Variants in UMOD observed in about 807,000 individuals in gnomAD.
UMOD encodes uromodulin.
In UMOD, 64 loss-of-function variants were observed where a neutral mutation model predicts 66.0. That is an observed-to-expected ratio of 0.97 (90% CI 0.79 to 1.19). The LOEUF (loss-of-function observed/expected upper bound fraction) is 1.19, where lower values mean the gene tolerates loss of function less well. Among genes scored for constraint, UMOD ranks in the 50% most tolerant of loss-of-function variants. The pLI is 0.00. For synonymous variants in UMOD, 398 were observed against 352.7 expected, an observed-to-expected ratio of 1.13 and a Z score of -1.44; for missense variants, 764 against 850.9, an observed-to-expected ratio of 0.90 and a Z score of 1.27.
intron 5 of UMOD, among the ~76,000 whole-genome samples, chr16:20,345,442 C>CTTTCTTTCTCTTTCT (rs773200268): frequency 4.8e-5 from 2 of 41,558 alleles, no homozygotes; most frequent in African/African-American, 1.4e-4. Flanking sequence ...TTCTTTCTTT[C>CTTTCTTTCTCTTTCT]TTCCTTTCTT....
chr16:20,335,713 C>G (rs1270558911), intron 9 of UMOD, among the ~76,000 whole-genome samples, 193 bp from the exon 10 acceptor site: 2 of 152,196 alleles, frequency 1.3e-5, no homozygotes. Context: ...AGGTCCCAAC[C>G]CTTAGCAAGA....
chr16:20,342,004 T>A (rs1274096340), intron 6 of UMOD, among the ~76,000 whole-genome samples: 3 of 152,222 alleles, frequency 2.0e-5, no homozygotes, highest in Admixed American at 2.0e-4. Context: ...ATTTTACAGA[T>A]GAGAACTGAG....
intron 1 of UMOD, chr16:20,351,417 G>C (rs1467505267): frequency 6.2e-6 from 1 of 161,996 alleles, no homozygotes; most frequent in Non-Finnish European, 1.4e-5. Flanking sequence ...TGGAAAAATA[G>C]TCCAGGGTGG....
At chr16:20,352,632 C>T in intron 1 of UMOD, 57 bp downstream of exon 1, 1 of 1,215,312 alleles carries the variant, frequency 8.2e-7, no homozygotes, top group Non-Finnish European at 1.0e-6. Context: ...CTCCTACCTC[C>T]CTCAAATAGG....
chr16:20,348,345 G>A lies in UMOD; in HGVS notation c.866-15C>T. ...GGAGCTGGGGTCTGCAGGGTCACAGGGACAGACAGACAATCAATAAGGACG... is the reference window on the plus strand; with the variant it reads ...GGAGCTGGGGTCTGCAGGGTCACAGAGACAGACAGACAATCAATAAGGACG... On this transcript the variant is annotated splice_polypyrimidine_tract_variant and intron_variant, in intron 3 of 10. Transcript: ENST00000396138. The A allele has an allele frequency of 6.2e-7, 1 of 1,614,194 alleles. No individual in the cohort carries two copies. Among genetic ancestry groups the A allele is most frequent in the Non-Finnish European group, 8.5e-7 (1 of 1,180,030 alleles).
At chr16:20,347,889 T>C (rs1407586510) in intron 4 of UMOD, among the ~76,000 whole-genome samples, 1 of 152,196 alleles carries the variant, frequency 6.6e-6, no homozygotes, top group Admixed American at 6.5e-5. Flanking sequence ...GCTTGTGTTC[T>C]GGTGCTGCAG....
chr16:20,333,914 G>A (rs1045858938), intron 10 of UMOD, among the ~76,000 whole-genome samples: 1 of 151,008 alleles, frequency 6.6e-6, no homozygotes, highest in Non-Finnish European at 1.5e-5. Flanking sequence ...CACGCCTGTA[G>A]TTCCAGCTAC....
chr16:20,350,874 C>T, intron 1 of UMOD, 35 bp from the exon 2 acceptor site: 1 of 1,528,722 alleles, frequency 6.5e-7, no homozygotes, highest in Non-Finnish European at 8.8e-7. Flanking sequence ...AATGCATGAT[C>T]TAACTCTCCT....
rs539108345 is a variant in UMOD at position 20,348,773 on chromosome 16, C to T, written c.528G>A (p.Ala176=). The T allele has an allele frequency of 6.5e-7, 1 of 1,543,510 alleles. No individual in the cohort carries two copies. The highest frequency in any genetic ancestry group is 1.2e-5 in the South Asian group (1 of 83,950). Residue 176 remains alanine, a synonymous_variant, in exon 3 of 11, where the codon GCG becomes GCA. Transcript: ENST00000396138. ...DALVCADPCQ[A]HRTLDEYWRS... is the part of the protein sequence containing the mutation. ...GCCAGTACTCGTCCAGGGTGCGGTG[C>T]GCCTGGCACGGATCCGCGCACACGA...
chr16:20,345,238 T>G (rs994717906), intron 5 of UMOD, among the ~76,000 whole-genome samples: 1 of 152,242 alleles, frequency 6.6e-6, no homozygotes, highest in Non-Finnish European at 1.5e-5. Context: ...GGTCTCAAAC[T>G]CCTGACCTCA....
chr16:20,334,503 C>T (rs750877163), intron 10 of UMOD, among the ~76,000 whole-genome samples: 16 of 152,136 alleles, frequency 1.1e-4, no homozygotes, highest in East Asian at 1.9e-4. Flanking sequence ...AATGCATGTA[C>T]GTGACCTTGT....
chr16:20,334,633 C>T (rs889681751), intron 10 of UMOD, among the ~76,000 whole-genome samples: 1 of 152,028 alleles, frequency 6.6e-6, no homozygotes, highest in African/African-American at 2.4e-5. Flanking sequence ...ATGTGTACAG[C>T]CCTAAGTCCA....
In UMOD at chr16:20,333,389, A is replaced by G. The variant is rs1309259452; in HGVS notation, c.1862-14T>C. On this transcript the variant is annotated splice_polypyrimidine_tract_variant and intron_variant, in intron 10 of 10. Coordinates refer to ENST00000396138, the MANE Select transcript of UMOD (RefSeq NM_003361.4). ...CTTTCAGGAGCCCTGAAAAGAAAAC[A>G]GTGACAGGGCAACTGCTAGTACTGC... 2 of 1,609,468 alleles carry G rather than the reference A, an allele frequency of 1.2e-6. No individual in the cohort carries two copies. The highest frequency in any genetic ancestry group is 1.7e-5 in the Admixed American group (1 of 59,570).
At chr16:20,341,554 T>C (rs1281015002) in intron 6 of UMOD, among the ~76,000 whole-genome samples, 1 of 152,166 alleles carries the variant, frequency 6.6e-6, no homozygotes, top group Non-Finnish European at 1.5e-5. Context: ...TTGGTGAGTA[T>C]TGGGGTGGGG....
Position 20,340,814 on chromosome 16 carries a change from T to C in UMOD, c.1577+277A>G, listed in dbSNP as rs576605249. 5.3e-5 allele frequency among the ~76,000 whole-genome samples: 8 copies of C among 151,938 alleles called. No homozygotes were observed. The East Asian group carries it at 1.6e-3, about 30-fold the overall frequency. ...TTCAAGACCAGCCTGGTCAACATGG[T>C]GAAACCCCATCTCTACTAAAAATAC... On this transcript the variant is annotated intron_variant, in intron 7 of 10. Transcript: ENST00000396138.
upstream of UMOD, chr16:20,352,994 A>T: frequency 2.9e-6 from 1 of 341,356 alleles, no homozygotes; most frequent in Middle Eastern, 7.7e-4. Context: ...TTCCATAGTT[A>T]GAAATTAACT....
At chr16:20,345,309 C>A (rs954219342) in intron 5 of UMOD, among the ~76,000 whole-genome samples, 14 of 152,108 alleles carry the variant, frequency 9.2e-5, no homozygotes, top group African/African-American at 3.1e-4. Flanking sequence ...CCACCATGCC[C>A]GGCCAACATT....
At position 20,346,217 on chromosome 16, in the gene UMOD, C is replaced by T. The variant is rs768664257; in HGVS notation, c.1091G>A (p.Ser364Asn). Residue 364 changes from serine to asparagine, a missense_variant, in exon 5 of 11, where the codon AGC (serine) becomes AAC (asparagine). By Grantham distance (46) the Ser-to-Asn change is conservative (BLOSUM62 1). Coordinates refer to ENST00000396138, the MANE Select transcript of UMOD (RefSeq NM_003361.4). ...TCTGTCATTGAAGCCCGAGCACCGGCTGTCACTCAGGTACATGAAGACCTT... is the reference window on the plus strand; with the variant it reads ...TCTGTCATTGAAGCCCGAGCACCGGTTGTCACTCAGGTACATGAAGACCTT... The part of the protein sequence containing the change: ...FDKVFMYLSD[S>N]RCSGFNDRDN... 2.5e-6 allele frequency: 4 copies of T among 1,614,168 alleles called. No individual in the cohort carries two copies. Among genetic ancestry groups the T allele is most frequent in the African/African-American group, 2.7e-5 (2 of 74,960 alleles).
At chr16:20,335,580 T>C in intron 9 of UMOD, 60 bp from the exon 10 acceptor site, 2 of 1,532,888 alleles carry the variant, frequency 1.3e-6, no homozygotes, top group Admixed American at 1.7e-5. Flanking sequence ...GCAAGCATCC[T>C]GACAGAAACC....
Sources: gnomAD v4.1 joint callset for allele counts (sites outside exome capture counted in the v4.1 genomes callset) on GRCh38, gnomAD v4.1.1 for gene constraint, MANE v1.5 for transcripts, NCBI Gene and HGNC (gene_info 2026-07-23, HGNC 2026-07-21) for gene names.